Variants in TTPA observed in about 807,000 individuals in gnomAD.
TTPA encodes the protein alpha tocopherol transfer protein.
TTPA carries 23 observed loss-of-function variants against 25.9 expected under a neutral mutation model. The ratio of observed to expected loss-of-function variants is 0.89; its 90% confidence interval spans 0.64 to 1.26. The LOEUF (loss-of-function observed/expected upper bound fraction) is 1.26, where lower values mean the gene tolerates loss of function less well. Among genes scored for constraint, TTPA ranks in the 50% most tolerant of loss-of-function variants. The pLI is 0.00. For missense variants in TTPA, 337 were observed against 353.1 expected (o/e 0.95, Z 0.37); for synonymous variants, 148 against 137.3 (o/e 1.08, Z -0.54).
chr8:63,068,228 A>G (rs1041158012), intron 2 of TTPA, among the ~76,000 whole-genome samples: 5 of 152,202 alleles, frequency 3.3e-5, no homozygotes, highest in African/African-American at 1.2e-4. Context: ...CAAAGCAGAG[A>G]GATGAAGTAA....
At chr8:63,078,134 C>T (rs962563684) in intron 1 of TTPA, among the ~76,000 whole-genome samples, 136 of 152,222 alleles carry the variant, frequency 8.9e-4, no homozygotes, top group African/African-American at 3.1e-3. Context: ...ACAGGAATAG[C>T]GCCAACATCA....
downstream of TTPA, among the ~76,000 whole-genome samples, chr8:63,059,034 T>TTTTTTTTTGTTTTG (rs1805250392): frequency 2.4e-5 from 3 of 125,446 alleles, no homozygotes; most frequent in African/African-American, 9.6e-5. Context: ...TTTTTTTTTT[T>TTTTTTTTTGTTTTG]TTTTTTTTTT....
At chr8:63,063,440 T>G (rs753292605) in intron 4 of TTPA, among the ~76,000 whole-genome samples, 8 of 152,264 alleles carry the variant, frequency 5.3e-5, no homozygotes, top group Non-Finnish European at 1.2e-4. Flanking sequence ...GTTACCGTGG[T>G]TCTCAGTTAC....
At chr8:63,081,808 T>G (rs1248294670) in intron 1 of TTPA, among the ~76,000 whole-genome samples, 1 of 152,150 alleles carries the variant, frequency 6.6e-6, no homozygotes, top group Admixed American at 6.5e-5. Context: ...GGATACAAAA[T>G]CAATGTGCAA....
At chr8:63,064,149 A>T in intron 4 of TTPA, 57 bp downstream of exon 4, 2 of 1,265,848 alleles carry the variant, frequency 1.6e-6, no homozygotes, top group Non-Finnish European at 2.3e-6. Context: ...TCCTTAAATT[A>T]AAAAGGGTTG....
intron 2 of TTPA, among the ~76,000 whole-genome samples, chr8:63,071,042 A>G (rs550847029): frequency 2.6e-5 from 4 of 152,360 alleles, no homozygotes; most frequent in Admixed American, 2.0e-4. Context: ...TATTTCCTAA[A>G]TAAAACATAG....
At position 63,060,015 on chromosome 8, in the gene TTPA, A is replaced by G. The variant is rs1805278680; in HGVS notation, c.*1237T>C. ...CCAGTCTTTACCAGATGTTTTTTTA[A>G]GTTAATATAAATTGCAGGATTTGAT... On this transcript the variant is annotated 3_prime_UTR_variant, in exon 5 of 5. Coordinates refer to ENST00000260116, the MANE Select transcript of TTPA (RefSeq NM_000370.3). 6.6e-6 allele frequency: 1 copy of G among 152,118 alleles called. No individual in the cohort carries two copies. Among genetic ancestry groups the G allele is most frequent in the Non-Finnish European group, 1.5e-5 (1 of 68,018 alleles). 9.4% of individuals were successfully genotyped at this position (152,118 alleles called of 1,614,324 possible).
intron 1 of TTPA, among the ~76,000 whole-genome samples, chr8:63,080,594 C>T (rs532336617): frequency 3.3e-5 from 5 of 151,614 alleles, no homozygotes; most frequent in South Asian, 4.2e-4. Context: ...TGGTGGCGGG[C>T]GTCTGTAGTC....
chr8:63,066,999 GA>G (rs1324244576), intron 2 of TTPA, among the ~76,000 whole-genome samples: 1 of 151,776 alleles, frequency 6.6e-6, no homozygotes, highest in Non-Finnish European at 1.5e-5. Context: ...GGGGAACACT[GA>G]AGCCCAGGAG....
downstream of TTPA, among the ~76,000 whole-genome samples, chr8:63,058,845 T>A (rs897511415): frequency 6.6e-6 from 1 of 152,158 alleles, no homozygotes; most frequent in Non-Finnish European, 1.5e-5. Flanking sequence ...AACTGGTGAT[T>A]GATATAAATC....
rs962477442 is a variant in TTPA at position 63,059,633 on chromosome 8, TAAG to T, written c.*1616_*1618del. ...TACATTTTCAAGTTTATAACAAAAT[TAAG>T]AAATTATAAAATACTAAGTATAAAA... On this transcript the variant is annotated 3_prime_UTR_variant, in exon 5 of 5. Transcript: ENST00000260116. The T allele has an allele frequency of 2.0e-5, 3 of 152,118 alleles. No homozygotes were observed. The highest frequency in any genetic ancestry group is 4.4e-5 in the Non-Finnish European group (3 of 68,004). 9.4% of individuals were successfully genotyped at this position (152,118 alleles called of 1,614,324 possible). A position where few individuals can be genotyped will look rare whatever the true frequency, so the allele number is the denominator to read the frequency against.
intron 1 of TTPA, among the ~76,000 whole-genome samples, chr8:63,083,874 T>C (rs1805703244): frequency 6.6e-6 from 1 of 150,562 alleles, no homozygotes; most frequent in Non-Finnish European, 1.5e-5. Flanking sequence ...GTTATAGAGT[T>C]TTTTTTCTTT....
At chr8:63,077,662 C>G (rs1438531042) in intron 1 of TTPA, among the ~76,000 whole-genome samples, 1 of 152,224 alleles carries the variant, frequency 6.6e-6, no homozygotes, top group Non-Finnish European at 1.5e-5. Context: ...GCCAAAAGCT[C>G]GAACTGGGTG....
chr8:63,065,270 G>A (rs1805371345), intron 3 of TTPA, among the ~76,000 whole-genome samples: 1 of 152,150 alleles, frequency 6.6e-6, no homozygotes, highest in African/African-American at 2.4e-5. Flanking sequence ...GGCAAACTGT[G>A]TGTGCCTGGG....
rs374903020 is a variant in TTPA, at chr8:63,064,196, T to C, written c.663+10A>G. Reference sequence around the variant, plus strand: ...GTAGAGGAACACAGACTTGAATATATTTTACTCACCCGTTCCTTAATTTTT... The same window carrying C: ...GTAGAGGAACACAGACTTGAATATACTTTACTCACCCGTTCCTTAATTTTT... On this transcript the variant is annotated intron_variant, in intron 4 of 4. Coordinates refer to ENST00000260116, the MANE Select transcript of TTPA (RefSeq NM_000370.3). The C allele has an allele frequency of 5.0e-6, 8 of 1,591,882 alleles. No individual in the cohort carries two copies. Among genetic ancestry groups the C allele is most frequent in the Non-Finnish European group, 6.9e-6 (8 of 1,161,156 alleles).
intron 1 of TTPA, among the ~76,000 whole-genome samples, chr8:63,084,467 C>A (rs1367272592): frequency 1.3e-5 from 2 of 152,164 alleles, no homozygotes; most frequent in African/African-American, 4.8e-5. Context: ...AGTCCAATAA[C>A]AGGTTAGATA....
At position 63,082,878 on chromosome 8, in the gene TTPA, A is replaced by G. The variant is rs978420292; in HGVS notation, c.204+2940T>C. ...AGACATTTATGCAGCCAACGGATAC[A>G]TGTAAAAATGCTCATCATCACTGGT... On this transcript the variant is annotated intron_variant, in intron 1 of 4. Transcript: ENST00000260116. 9.8e-5 allele frequency among the ~76,000 whole-genome samples: 15 copies of G among 152,340 alleles called. No homozygotes were observed. The East Asian group carries it at 2.1e-3, about 22-fold the overall frequency.
intron 2 of TTPA, among the ~76,000 whole-genome samples, chr8:63,067,084 A>G (rs926151119): frequency 6.6e-6 from 1 of 152,144 alleles, no homozygotes; most frequent in Non-Finnish European, 1.5e-5. Flanking sequence ...AAAGAAGCGT[A>G]ATAGTTTCAG....
chr8:63,077,914 C>T (rs972371679), intron 1 of TTPA, among the ~76,000 whole-genome samples: 29 of 152,266 alleles, frequency 1.9e-4, no homozygotes, highest in African/African-American at 6.0e-4. Flanking sequence ...CAGTAGGGGC[C>T]GACAGACACC....
Sources: allele counts gnomAD v4.1 joint callset (sites outside exome capture counted in the v4.1 genomes callset), GRCh38; gene constraint gnomAD v4.1.1; transcripts MANE v1.5; gene names NCBI Gene and HGNC (gene_info 2026-07-23, HGNC 2026-07-21).